PPIL1: variants seen among roughly 807,000 people sequenced by gnomAD.
The protein encoded by PPIL1 is peptidyl-prolyl cis-trans isomerase-like 1.
In PPIL1, 14 loss-of-function variants were observed where a neutral mutation model predicts 19.4. The ratio of observed to expected loss-of-function variants is 0.72; its 90% confidence interval spans 0.48 to 1.13. The LOEUF (loss-of-function observed/expected upper bound fraction) is 1.13. Among genes scored for constraint, PPIL1 ranks in the 50% most tolerant of loss-of-function variants. PPIL1 has a pLI of 0.00. For synonymous variants in PPIL1, 72 were observed against 73.6 expected (o/e 0.98, Z 0.11); for missense variants, 192 against 218.0 (o/e 0.88, Z 0.75).
chr6:36,867,936 G>A (rs1436252329), intron 2 of PPIL1, among the ~76,000 whole-genome samples: 1 of 152,182 alleles, frequency 6.6e-6, no homozygotes, highest in African/African-American at 2.4e-5. Context: ...AAAAGGTGGG[G>A]ATAATGTAGG....
intron 2 of PPIL1, among the ~76,000 whole-genome samples, chr6:36,864,410 C>T (rs1774355228): frequency 6.6e-6 from 1 of 152,184 alleles, no homozygotes; most frequent in African/African-American, 2.4e-5. Context: ...GCCAGGCACA[C>T]TCTGGTCTAA....
chr6:36,866,172 A>G (rs183188695), intron 2 of PPIL1, among the ~76,000 whole-genome samples: 1 of 152,364 alleles, frequency 6.6e-6, no homozygotes, highest in Non-Finnish European at 1.5e-5. Flanking sequence ...AAGAGCCTCT[A>G]TAGTTATTAT....
In PPIL1 at chr6:36,874,701, G is replaced by A. The variant is rs1292042851; in HGVS notation, c.56+16C>T. ...CGCGTCTCCTCTGCCAGCCCCAGACGCCCGAACCCCCTCACCTGGTCTCCA... is the reference window on the plus strand; with the variant it reads ...CGCGTCTCCTCTGCCAGCCCCAGACACCCGAACCCCCTCACCTGGTCTCCA... On this transcript the variant is annotated intron_variant, in intron 1 of 3. Transcript: ENST00000373699. 7 of 1,613,520 alleles carry A rather than the reference G, an allele frequency of 4.3e-6. No homozygotes were observed. Among genetic ancestry groups the A allele is most frequent in the East Asian group, 2.2e-5 (1 of 44,872 alleles).
chr6:36,874,043 C>T (rs1370104341), intron 1 of PPIL1, among the ~76,000 whole-genome samples: 1 of 152,176 alleles, frequency 6.6e-6, no homozygotes, highest in Non-Finnish European at 1.5e-5. Flanking sequence ...ACGAGCACAC[C>T]AGGCTCCAAA....
At chr6:36,870,181 C>G (rs1774479424) in intron 2 of PPIL1, among the ~76,000 whole-genome samples, 1 of 149,122 alleles carries the variant, frequency 6.7e-6, no homozygotes, top group African/African-American at 2.5e-5. Flanking sequence ...CAAAAAAGAA[C>G]AAGACTGAGA....
chr6:36,869,851 A>G (rs1048313661), intron 2 of PPIL1, among the ~76,000 whole-genome samples: 1 of 152,210 alleles, frequency 6.6e-6, no homozygotes, highest in African/African-American at 2.4e-5. Context: ...ATTAAATGTA[A>G]TATGTTCTGT....
chr6:36,859,811 T>G (rs1291516168), intron 2 of PPIL1, among the ~76,000 whole-genome samples: 1 of 144,886 alleles, frequency 6.9e-6, no homozygotes, highest in African/African-American at 2.6e-5. Context: ...CTGTTTTCTA[T>G]TGTGTGTGTG....
At chr6:36,858,899 G>T (rs1774222049) in intron 2 of PPIL1, among the ~76,000 whole-genome samples, 1 of 152,126 alleles carries the variant, frequency 6.6e-6, no homozygotes, top group Middle Eastern at 3.2e-3. Context: ...CTAGGGAGAG[G>T]GCTGTGGGGC....
chr6:36,862,909 C>T (rs371587644), intron 2 of PPIL1, among the ~76,000 whole-genome samples: 2 of 152,336 alleles, frequency 1.3e-5, no homozygotes, highest in South Asian at 2.1e-4. Context: ...CTCTTTCTCA[C>T]TTGCCTTTGG....
chr6:36,857,056 G>A (rs1774182407), intron 2 of PPIL1, among the ~76,000 whole-genome samples: 1 of 152,064 alleles, frequency 6.6e-6, no homozygotes, highest in South Asian at 2.1e-4. Context: ...TTTTAGACAT[G>A]AGTGCCCCAA....
intron 2 of PPIL1, among the ~76,000 whole-genome samples, chr6:36,863,200 G>A (rs1336043875): frequency 6.6e-6 from 1 of 152,164 alleles, no homozygotes; most frequent in Non-Finnish European, 1.5e-5. Flanking sequence ...GATTCAAAGT[G>A]CCACCTCGGG....
At chr6:36,863,497 C>G (rs1458445516) in intron 2 of PPIL1, among the ~76,000 whole-genome samples, 2 of 152,184 alleles carry the variant, frequency 1.3e-5, no homozygotes, top group African/African-American at 4.8e-5. Flanking sequence ...ACCTCCCCCT[C>G]TAGTAGACCA....
At chr6:36,865,177 A>G (rs1057311534) in intron 2 of PPIL1, among the ~76,000 whole-genome samples, 1 of 152,186 alleles carries the variant, frequency 6.6e-6, no homozygotes, top group African/African-American at 2.4e-5. Flanking sequence ...GTGAAGCACA[A>G]GGCAAGCCCA....
chr6:36,870,950 C>T (rs1184371916), intron 2 of PPIL1, among the ~76,000 whole-genome samples: 1 of 152,164 alleles, frequency 6.6e-6, no homozygotes, highest in East Asian at 1.9e-4. Context: ...AAGCATAGAT[C>T]AGATCATGTC....
intron 2 of PPIL1, among the ~76,000 whole-genome samples, chr6:36,867,008 T>C (rs1163240261): frequency 6.6e-6 from 1 of 152,222 alleles, no homozygotes; most frequent in African/African-American, 2.4e-5. Context: ...GCAAAAAGCA[T>C]GCAGTTTATA....
rs1223113796 is a variant in PPIL1, at chr6:36,856,637, T to C, written c.229A>G (p.Ile77Val). ...TCATCTTCAAACTGTTTGCCATAGA[T>C]AGATGCACCACCTCGACCTGCCCGA... ...PTGTGRGGAS[I>V]YGKQFEDELH... The change falls in exon 3 of 4, where the codon ATC (isoleucine) becomes GTC (valine). Residue 77 changes from isoleucine to valine, a missense_variant. Transcript: ENST00000373699. 10 of 1,614,004 alleles carry C rather than the reference T, an allele frequency of 6.2e-6. No homozygotes were observed. The highest frequency in any genetic ancestry group is 8.5e-6 in the Non-Finnish European group (10 of 1,179,994).
intron 2 of PPIL1, among the ~76,000 whole-genome samples, chr6:36,862,949 C>T (rs1053805242): frequency 1.3e-5 from 2 of 152,202 alleles, no homozygotes; most frequent in Non-Finnish European, 2.9e-5. Flanking sequence ...CCAGTTCTGA[C>T]CCCACCAATT....
intron 2 of PPIL1, among the ~76,000 whole-genome samples, chr6:36,869,585 C>A (rs1226660777): frequency 6.6e-6 from 1 of 151,296 alleles, no homozygotes; most frequent in Non-Finnish European, 1.5e-5. Context: ...GAAAAAAAAA[C>A]ACTAAAAAAC....
chr6:36,859,546 T>C (rs1158091961), intron 2 of PPIL1, among the ~76,000 whole-genome samples: 1 of 152,116 alleles, frequency 6.6e-6, no homozygotes, highest in Non-Finnish European at 1.5e-5. Context: ...ACTCATAATA[T>C]GTTATCTTTT....
Sources: gnomAD v4.1 joint callset for allele counts (sites outside exome capture counted in the v4.1 genomes callset) on GRCh38, gnomAD v4.1.1 for gene constraint, MANE v1.5 for transcripts, NCBI Gene and HGNC (gene_info 2026-07-23, HGNC 2026-07-21) for gene names.